SNX29: variants seen among roughly 807,000 people sequenced by gnomAD.
The protein encoded by SNX29 is sorting nexin 29.
SNX29 carries 78 observed loss-of-function variants against 102.1 expected under a neutral mutation model. The observed-to-expected ratio is 0.76, with a 90% CI of 0.64 to 0.92. The LOEUF (loss-of-function observed/expected upper bound fraction) is 0.92, where lower values mean the gene tolerates loss of function less well. SNX29 is among the 40% of genes least tolerant of loss of function. The pLI, the probability that SNX29 is intolerant of heterozygous loss-of-function variation, is 0.00. For synonymous variants in SNX29, 580 were observed against 414.5 expected (o/e 1.40, Z -4.85); for missense variants, 1,280 against 1,061.7 (o/e 1.21, Z -2.86).
At chr16:12,249,910 C>A (rs2078372126) in intron 14 of SNX29, among the ~76,000 whole-genome samples, 1 of 152,212 alleles carries the variant, frequency 6.6e-6, no homozygotes, top group Admixed American at 6.5e-5. Context: ...ACCTGCAGGT[C>A]CCAGCCCTCT....
intron 19 of SNX29, among the ~76,000 whole-genome samples, chr16:12,486,867 T>G (rs1414443798): frequency 1.3e-5 from 2 of 152,198 alleles, no homozygotes. Flanking sequence ...TTGTAAGAAC[T>G]TCCCTGTTAA....
chr16:12,272,518 G>A (rs1020091001), intron 14 of SNX29, among the ~76,000 whole-genome samples: 3 of 152,186 alleles, frequency 2.0e-5, no homozygotes, highest in Non-Finnish European at 4.4e-5. Context: ...TTGCCCTGCC[G>A]ACGGGCTCCA....
At chr16:12,443,165 CTG>C in intron 18 of SNX29, 1 of 382,628 alleles carries the variant, frequency 2.6e-6, no homozygotes, top group South Asian at 1.9e-5. Flanking sequence ...TGGGCTTTCT[CTG>C]TCATGCTCCT....
At chr16:12,205,066 TG>T in intron 14 of SNX29, among the ~76,000 whole-genome samples, 1 of 152,312 alleles carries the variant, frequency 6.6e-6, no homozygotes, top group East Asian at 1.9e-4. Flanking sequence ...TTCCAAAGAA[TG>T]GGGCAGGGCA....
chr16:12,386,005 C>T (rs1220633810), intron 16 of SNX29, among the ~76,000 whole-genome samples: 1 of 152,232 alleles, frequency 6.6e-6, no homozygotes, highest in Non-Finnish European at 1.5e-5. Flanking sequence ...TATGCATGGC[C>T]TTGTCCCCAG....
At chr16:12,134,774 G>C in intron 13 of SNX29, among the ~76,000 whole-genome samples, 1 of 152,172 alleles carries the variant, frequency 6.6e-6, no homozygotes, top group Non-Finnish European at 1.5e-5. Context: ...ACACTCATCA[G>C]GTATCTGCTT....
intron 11 of SNX29, among the ~76,000 whole-genome samples, chr16:12,116,790 C>T (rs113800237): frequency 2.0e-5 from 3 of 150,672 alleles, no homozygotes; most frequent in Non-Finnish European, 4.4e-5. Flanking sequence ...TAGTCAATAC[C>T]TGCTTCAACG....
At chr16:11,976,915 C>A in intron 1 of SNX29, 102 bp downstream of exon 1, 1 of 1,273,564 alleles carries the variant, frequency 7.9e-7, no homozygotes, top group Non-Finnish European at 9.9e-7. Flanking sequence ...CGCTCCCTCG[C>A]AGACCCCCTC....
Position 12,398,465 on chromosome 16 carries a change from A to T in SNX29, c.1919A>T (p.Gln640Leu), listed in dbSNP as rs2083801444. ...TGGTAGGTGCCTGGAGATTTGAGTC[A>T]AACGTCCGAAGACCAGAGTTTGTCG... ...LRGPVPGDLS[Q>L]TSEDQSLSDF... The change falls in exon 17 of 21, where the codon CAA (glutamine) becomes CTA (leucine). Residue 640 changes from glutamine to leucine, a missense_variant. Transcript: ENST00000566228. 6.2e-7 allele frequency: 1 copy of T among 1,613,900 alleles called. No individual in the cohort carries two copies. Among genetic ancestry groups the T allele is most frequent in the Non-Finnish European group, 8.5e-7 (1 of 1,179,896 alleles).
At chr16:12,382,354 T>C (rs1238896321) in intron 16 of SNX29, among the ~76,000 whole-genome samples, 1 of 152,194 alleles carries the variant, frequency 6.6e-6, no homozygotes, top group East Asian at 1.9e-4. Flanking sequence ...GTCTTGTAAG[T>C]TGAGTTATAA....
chr16:12,517,822 C>T (rs2089931004), intron 19 of SNX29, among the ~76,000 whole-genome samples: 2 of 151,314 alleles, frequency 1.3e-5, no homozygotes, highest in African/African-American at 4.9e-5. Flanking sequence ...CCTGGGCGAC[C>T]TCCACTGGCA....
intron 20 of SNX29, among the ~76,000 whole-genome samples, chr16:12,550,477 G>C (rs1173260707): frequency 2.6e-5 from 4 of 151,018 alleles, no homozygotes; most frequent in African/African-American, 9.7e-5. Context: ...GGAGGTTGGA[G>C]TGAGCTGACA....
chr16:12,368,553 A>C (rs961371180), intron 16 of SNX29, among the ~76,000 whole-genome samples: 21 of 152,212 alleles, frequency 1.4e-4, no homozygotes, highest in African/African-American at 5.1e-4. Context: ...AGAAGGTCAA[A>C]GCCCAGAATA....
chr16:12,550,961 G>T (rs1331353344), intron 20 of SNX29, among the ~76,000 whole-genome samples: 1 of 152,094 alleles, frequency 6.6e-6, no homozygotes, highest in South Asian at 2.1e-4. Flanking sequence ...AGGTAGAATG[G>T]GCTTAGGGCA....
At chr16:12,237,209 C>G (rs971428692) in intron 14 of SNX29, among the ~76,000 whole-genome samples, 1 of 152,152 alleles carries the variant, frequency 6.6e-6, no homozygotes, top group Admixed American at 6.5e-5. Flanking sequence ...ACTCCTCACC[C>G]CCACCAGCAT....
chr16:12,273,716 A>T (rs543774729), intron 14 of SNX29, among the ~76,000 whole-genome samples: 2 of 152,190 alleles, frequency 1.3e-5, no homozygotes, highest in South Asian at 4.2e-4. Flanking sequence ...ATTCCAGAAC[A>T]TTTTTGTCAT....
intron 15 of SNX29, among the ~76,000 whole-genome samples, chr16:12,344,388 C>T (rs559152835): frequency 1.3e-5 from 2 of 152,172 alleles, no homozygotes; most frequent in Non-Finnish European, 2.9e-5. Context: ...CTCCGTGAGC[C>T]TCCATTTCCT....
At chr16:12,171,099 C>T (rs189540181) in intron 13 of SNX29, among the ~76,000 whole-genome samples, 72 of 152,240 alleles carry the variant, frequency 4.7e-4, no homozygotes, top group African/African-American at 1.7e-3. Flanking sequence ...AATTCCTTCT[C>T]TAGCTCCTCA....
At chr16:12,323,757 T>C (rs1264402154) in intron 15 of SNX29, among the ~76,000 whole-genome samples, 2 of 152,128 alleles carry the variant, frequency 1.3e-5, no homozygotes, top group African/African-American at 4.8e-5. Flanking sequence ...TGAGTGCCAT[T>C]TTTATCCCTT....
Sources: gnomAD v4.1 joint callset for allele counts (sites outside exome capture counted in the v4.1 genomes callset) on GRCh38, gnomAD v4.1.1 for gene constraint, MANE v1.5 for transcripts, NCBI Gene and HGNC (gene_info 2026-07-23, HGNC 2026-07-21) for gene names.